Variants in ERCC6L2 observed in about 807,000 individuals in gnomAD.
ERCC6L2 encodes ERCC excision repair 6 like 2.
A neutral mutation model predicts 132.0 loss-of-function variants in ERCC6L2; 77 were observed. The ratio of observed to expected loss-of-function variants is 0.58; its 90% CI spans 0.49 to 0.71. ERCC6L2 has a LOEUF of 0.71. Ranked by LOEUF, ERCC6L2 falls within the 30% of genes least tolerant of loss-of-function variation. ERCC6L2 has a pLI of 0.00. For missense variants in ERCC6L2, 1,542 were observed against 1,837.6 expected, an observed-to-expected ratio of 0.84 and a Z score of 2.94; for synonymous variants, 583 against 632.4, an observed-to-expected ratio of 0.92 and a Z score of 1.17.
intron 17 of ERCC6L2, among the ~76,000 whole-genome samples, chr9:95,982,418 G>A (rs1832929562): frequency 6.6e-6 from 1 of 152,122 alleles, no homozygotes; most frequent in Non-Finnish European, 1.5e-5. Flanking sequence ...GAGTCAGCAA[G>A]GAGGGATGGA....
chr9:95,975,261 G>A (rs1018308172), intron 16 of ERCC6L2, among the ~76,000 whole-genome samples: 4 of 152,026 alleles, frequency 2.6e-5, no homozygotes, highest in East Asian at 1.9e-4. Context: ...TCCTCGCATC[G>A]TTCTGGTTGT....
intron 12 of ERCC6L2, among the ~76,000 whole-genome samples, chr9:95,949,593 A>T (rs1831234614): frequency 6.6e-6 from 1 of 152,348 alleles, no homozygotes; most frequent in Middle Eastern, 3.4e-3. Flanking sequence ...TCAACTGAGA[A>T]ACAAAGAAAA....
intron 3 of ERCC6L2, among the ~76,000 whole-genome samples, chr9:95,899,600 A>ATATATATGTGTGTG (rs746946004): frequency 8.4e-4 from 113 of 134,894 alleles, no homozygotes; most frequent in African/African-American, 3.2e-3. Flanking sequence ...TTATATATAT[A>ATATATATGTGTGTG]TGTGTGTGTG....
chr9:96,018,185 A>C lies in ERCC6L2; in HGVS notation c.*4982A>C, dbSNP rs138896761. 1.5e-4 allele frequency among the ~76,000 whole-genome samples: 23 copies of C among 152,340 alleles called. No individual in the cohort carries two copies. In the East Asian group the frequency reaches 3.3e-3, roughly 22 times the overall value. On this transcript the variant is annotated 3_prime_UTR_variant, in exon 19 of 19. Coordinates refer to ENST00000653738, the MANE Select transcript of ERCC6L2 (RefSeq NM_020207.7). ...GTCGTGATGGTTGCACAGCAATGTG[A>C]ATTTAATGACACTGAAGTGTACACT... is the stretch of plus-strand genomic sequence containing the variant.
chr9:95,897,998 T>C, intron 3 of ERCC6L2, 27 bp downstream of exon 3: 1 of 1,572,230 alleles, frequency 6.4e-7, no homozygotes, highest in South Asian at 1.2e-5. Context: ...ATGTATATTC[T>C]ACTCATGATG....
chr9:95,903,302 ATTAT>A (rs1415835035), intron 3 of ERCC6L2, among the ~76,000 whole-genome samples: 3 of 151,978 alleles, frequency 2.0e-5, no homozygotes, highest in African/African-American at 7.2e-5. Context: ...TTCTGTCCTA[ATTAT>A]TTGTTCATTT....
chr9:95,906,650 A>G (rs1250615163), intron 3 of ERCC6L2: 1 of 457,028 alleles, frequency 2.2e-6, no homozygotes. Flanking sequence ...GGGCTAGGAA[A>G]ATGCAGAAGG....
Position 95,988,010 on chromosome 9 carries a change from C to T in ERCC6L2, c.3492+9795C>T, listed in dbSNP as rs567932872. Among the ~76,000 whole-genome samples the T allele has an allele frequency of 3.9e-5, 6 of 152,316 alleles. No individual in the cohort carries two copies. The East Asian group carries it at 1.2e-3, about 29-fold the overall frequency. On this transcript the variant is annotated intron_variant, in intron 17 of 18. Transcript: ENST00000653738. Reference sequence around the variant, plus strand: ...TCTGAAGCCATGGCCCAAGCTGTACCTTGGACCCTTTTAGCCATGGCTAGA... The same window carrying T: ...TCTGAAGCCATGGCCCAAGCTGTACTTTGGACCCTTTTAGCCATGGCTAGA...
At chr9:95,983,918 A>G (rs1832987526) in intron 17 of ERCC6L2, among the ~76,000 whole-genome samples, 1 of 152,084 alleles carries the variant, frequency 6.6e-6, no homozygotes, top group Non-Finnish European at 1.5e-5. Context: ...TTTTCCCTCA[A>G]TTCCTTTGGT....
intron 16 of ERCC6L2, among the ~76,000 whole-genome samples, chr9:95,973,999 C>G (rs1832550747): frequency 6.6e-6 from 1 of 152,082 alleles, no homozygotes; most frequent in Non-Finnish European, 1.5e-5. Context: ...GCAGTTGGTT[C>G]CTGAGACTGG....
chr9:96,038,228 A>G (rs1834541607), intron 19 of ERCC6L2, among the ~76,000 whole-genome samples: 1 of 152,202 alleles, frequency 6.6e-6, no homozygotes, highest in Non-Finnish European at 1.5e-5. Context: ...TGTATCAGGC[A>G]GGGGAGGCAG....
chr9:95,930,049 G>A (rs1830270100), intron 11 of ERCC6L2, among the ~76,000 whole-genome samples: 2 of 152,050 alleles, frequency 1.3e-5, no homozygotes, highest in Admixed American at 1.3e-4. Context: ...CTTTTTGGAT[G>A]GCATTTTTGC....
At chr9:95,989,480 A>G (rs1833215477) in intron 17 of ERCC6L2, among the ~76,000 whole-genome samples, 1 of 152,236 alleles carries the variant, frequency 6.6e-6, no homozygotes, top group Non-Finnish European at 1.5e-5. Context: ...TATCACAGTC[A>G]TATTTGTGTA....
chr9:95,903,299 C>G (rs1032891414), intron 3 of ERCC6L2, among the ~76,000 whole-genome samples: 1 of 151,972 alleles, frequency 6.6e-6, no homozygotes, highest in African/African-American at 2.4e-5. Flanking sequence ...TTATTCTGTC[C>G]TAATTATTTG....
In ERCC6L2 at chr9:96,017,441, C is replaced by A. The variant is rs1286883865; in HGVS notation, c.*4238C>A. On this transcript the variant is annotated 3_prime_UTR_variant, in exon 19 of 19. Transcript: ENST00000653738. ...TTCCCAAGTCCCAGGCTGTGTGGTT[C>A]CCAGCCCCAAGGGTAGCAAGTCAGA... 6.6e-6 allele frequency among the ~76,000 whole-genome samples: 1 copy of A among 152,110 alleles called. No individual in the cohort carries two copies. Among genetic ancestry groups the A allele is most frequent in the Non-Finnish European group, 1.5e-5 (1 of 67,960 alleles).
chr9:95,933,124 T>C (rs1237497568), intron 11 of ERCC6L2, among the ~76,000 whole-genome samples: 1 of 152,218 alleles, frequency 6.6e-6, no homozygotes, highest in African/African-American at 2.4e-5. Flanking sequence ...ATCTTATCTG[T>C]GGCTCATATA....
In ERCC6L2 at chr9:95,914,226, C is replaced by T. The variant is rs149173435; in HGVS notation, c.789-1442C>T. 5.3e-5 allele frequency among the ~76,000 whole-genome samples: 8 copies of T among 152,264 alleles called. No individual in the cohort carries two copies. The East Asian group carries it at 1.3e-3, about 26-fold the overall frequency. On this transcript the variant is annotated intron_variant, in intron 4 of 18. Transcript: ENST00000653738. ...ATTTCATGTTTTAATTTGCAGTTCT[C>T]TAATAACTAATGATGCTGAGAATTT...
Position 96,015,631 on chromosome 9 carries a change from T to TAAA in ERCC6L2, c.*2440_*2442dup, listed in dbSNP as rs371476454. On this transcript the variant is annotated 3_prime_UTR_variant, in exon 19 of 19. Coordinates refer to ENST00000653738, the MANE Select transcript of ERCC6L2 (RefSeq NM_020207.7). ...TAACGCGGTGAAACCCCGTCTCTAC[T>TAAA]AAAAAAAAAAAAAATACAAAAATTA... Among the ~76,000 whole-genome samples the TAAA allele has an allele frequency of 1.4e-5, 2 of 142,914 alleles. No homozygotes were observed. Among genetic ancestry groups the TAAA allele is most frequent in the South Asian group, 2.2e-4 (1 of 4,496 alleles). The allele number at this position is 142,914 out of a possible 152,430, so 93.8% of individuals were successfully genotyped here.
chr9:96,035,403 C>G lies in ERCC6L2; in HGVS notation c.*1504-3473C>G, dbSNP rs72743917. Among the ~76,000 whole-genome samples the G allele has an allele frequency of 2.0e-5, 3 of 152,298 alleles. No individual in the cohort carries two copies. In the South Asian group the frequency reaches 6.2e-4, roughly 32 times the overall value. ...TCCTCTCCTCTGAGGGCCATGAAAG[C>G]CTGGTGCTCAGCCAGGGTAGAGGAT... On this transcript the variant is annotated intron_variant and NMD_transcript_variant, in intron 19 of 20. Coordinates refer to the ERCC6L2 transcript ENST00000670016.
Sources: allele counts gnomAD v4.1 joint callset (sites outside exome capture counted in the v4.1 genomes callset), GRCh38; gene constraint gnomAD v4.1.1; transcripts MANE v1.5; gene names NCBI Gene and HGNC (gene_info 2026-07-23, HGNC 2026-07-21).